CMC1: variants seen among roughly 807,000 people sequenced by gnomAD.
CMC1 encodes COX assembly mitochondrial protein homolog.
A neutral mutation model predicts 14.1 loss-of-function variants in CMC1; 14 were observed. That is an observed-to-expected ratio of 0.99 (90% CI 0.66 to 1.55). The LOEUF (loss-of-function observed/expected upper bound fraction) is 1.55, where lower values mean the gene tolerates loss of function less well. Among genes scored for constraint, CMC1 ranks in the 40% most tolerant of loss-of-function variants. The probability of loss-of-function intolerance (pLI) is 0.00; values close to 1 mark genes in which losing one functional copy is unlikely to be tolerated. For missense variants in CMC1, 127 were observed against 123.8 expected, an observed-to-expected ratio of 1.03 and a Z score of -0.12; for synonymous variants, 50 against 38.4, an observed-to-expected ratio of 1.30 and a Z score of -1.12.
chr3:28,313,359 T>A (rs991526177), intron 2 of CMC1, among the ~76,000 whole-genome samples: 1 of 152,196 alleles, frequency 6.6e-6, no homozygotes, highest in Non-Finnish European at 1.5e-5. Flanking sequence ...TTTTGTATTA[T>A]CTTAAGATAG....
At chr3:28,259,300 C>G (rs1699601787) in intron 1 of CMC1, among the ~76,000 whole-genome samples, 1 of 151,966 alleles carries the variant, frequency 6.6e-6, no homozygotes. Context: ...TAACAATTGA[C>G]ATTGGTGGAG....
intron 1 of CMC1, among the ~76,000 whole-genome samples, chr3:28,258,216 A>G: frequency 6.6e-6 from 1 of 151,226 alleles, no homozygotes. Context: ...TTATATATAT[A>G]TGAAATAAAT....
In CMC1 at chr3:28,323,950, C is replaced by G; in HGVS notation, c.*4321C>G. The G allele has an allele frequency of 7.0e-7, 1 of 1,422,822 alleles. No individual in the cohort carries two copies. Among genetic ancestry groups the G allele is most frequent in the Non-Finnish European group, 9.5e-7 (1 of 1,050,466 alleles). 88.1% of individuals were successfully genotyped at this position (1,422,822 alleles called of 1,614,324 possible). On this transcript the variant is annotated 3_prime_UTR_variant, in exon 4 of 4. Coordinates refer to ENST00000466830, the MANE Select transcript of CMC1 (RefSeq NM_182523.2). ...CTGAAGACCTCTGCAAAATTTTAAT[C>G]AAAATCTCCTTTCAGTTTGTTAAAT...
At chr3:28,300,652 C>CCTTTCCCTCA (rs1264021561) in intron 2 of CMC1, among the ~76,000 whole-genome samples, 1 of 71,038 alleles carries the variant, frequency 1.4e-5, no homozygotes, top group East Asian at 4.3e-4. Context: ...TCCCTCCATC[C>CCTTTCCCTCA]CTTTCCCTCC....
At chr3:28,296,252 C>A (rs1243486105) in intron 2 of CMC1, among the ~76,000 whole-genome samples, 3 of 151,906 alleles carry the variant, frequency 2.0e-5, no homozygotes, top group African/African-American at 7.3e-5. Context: ...ACCATTGTAA[C>A]CATGTAATAT....
chr3:28,269,354 A>G (rs889734956), intron 2 of CMC1, among the ~76,000 whole-genome samples: 4 of 152,252 alleles, frequency 2.6e-5, no homozygotes, highest in Non-Finnish European at 5.9e-5. Flanking sequence ...TTGCAATAAA[A>G]TTATATGTAG....
At chr3:28,282,311 G>C (rs928854842) in intron 2 of CMC1, among the ~76,000 whole-genome samples, 1 of 152,168 alleles carries the variant, frequency 6.6e-6, no homozygotes, top group African/African-American at 2.4e-5. Context: ...CCCTATCTCA[G>C]ATTGCTGTGG....
chr3:28,260,357 GTTGGT>G (rs1346196847), intron 1 of CMC1, among the ~76,000 whole-genome samples: 1 of 151,876 alleles, frequency 6.6e-6, no homozygotes, highest in African/African-American at 2.4e-5. Flanking sequence ...GTGAGCTTTG[GTTGGT>G]TTGTAGTTTT....
In CMC1 at chr3:28,323,215, TAC is replaced by T. The variant is rs878973996; in HGVS notation, c.*3592_*3593del. On this transcript the variant is annotated 3_prime_UTR_variant, in exon 4 of 4. Coordinates refer to ENST00000466830, the MANE Select transcript of CMC1 (RefSeq NM_182523.2). The stretch of plus-strand genomic sequence containing the variant: ...TTTGAAGAAAATGACTTTTTATCAT[TAC>T]ACACATTTATGTTTATATTATGGCC... 1.3e-5 allele frequency: 2 copies of T among 151,234 alleles called. No homozygotes were observed. Among genetic ancestry groups the T allele is most frequent in the South Asian group, 4.1e-4 (2 of 4,834 alleles). 9.4% of individuals were successfully genotyped at this position (151,234 alleles called of 1,614,324 possible). A position where few individuals can be genotyped will look rare whatever the true frequency, so the allele number is the denominator to read the frequency against.
At chr3:28,287,317 C>T (rs1037253222) in intron 2 of CMC1, among the ~76,000 whole-genome samples, 7 of 152,132 alleles carry the variant, frequency 4.6e-5, no homozygotes, top group African/African-American at 1.7e-4. Context: ...CAGTTTGAAA[C>T]AGAATGGCTA....
intron 2 of CMC1, among the ~76,000 whole-genome samples, chr3:28,297,981 A>G (rs1273101799): frequency 2.6e-5 from 4 of 152,006 alleles, no homozygotes; most frequent in African/African-American, 7.2e-5. Context: ...TGCTCCAGTC[A>G]TAAGAAAACC....
At chr3:28,253,889 C>A (rs2125438303) in intron 1 of CMC1, 2 of 402,050 alleles carry the variant, frequency 5.0e-6, no homozygotes, top group Non-Finnish European at 9.3e-6. Context: ...ACATTCTTTG[C>A]TATTAAAGAC....
intron 1 of CMC1, among the ~76,000 whole-genome samples, chr3:28,251,656 T>C (rs1429830264): frequency 6.6e-6 from 1 of 152,212 alleles, no homozygotes; most frequent in Non-Finnish European, 1.5e-5. Context: ...GAAAAACCCT[T>C]CAATATAAAA....
rs529077046 is a variant in CMC1 at position 28,321,214 on chromosome 3, A to C, written c.*1585A>C. 6 of 151,608 alleles carry C rather than the reference A, an allele frequency of 4.0e-5. No individual in the cohort carries two copies. Among genetic ancestry groups the C allele is most frequent in the African/African-American group, 1.2e-4 (5 of 41,486 alleles). 9.4% of individuals were successfully genotyped at this position (151,608 alleles called of 1,614,324 possible). A position where few individuals can be genotyped will look rare whatever the true frequency, so the allele number is the denominator to read the frequency against. On this transcript the variant is annotated 3_prime_UTR_variant, in exon 4 of 4. Transcript: ENST00000466830. ...ACACAGCATAGGGGCAAACATGCCC[A>C]TATTTCCACATTGACCTTTGGTATT...
rs1703139692 is a variant in CMC1 at position 28,320,130 on chromosome 3, A to AT, written c.*502dup. 6.5e-6 allele frequency: 1 copy of AT among 153,230 alleles called. No homozygotes were observed. The highest frequency in any genetic ancestry group is 2.4e-5 in the African/African-American group (1 of 41,382). 9.5% of individuals were successfully genotyped at this position (153,230 alleles called of 1,614,324 possible). ...TGTGAGGATGTACTGAGTATTGCAT[A>AT]TAGCAGGTACACGTACAGTGTATAA... On this transcript the variant is annotated 3_prime_UTR_variant, in exon 4 of 4. Transcript: ENST00000466830.
rs550932330 is a variant in CMC1, at chr3:28,263,277, C to CT, written c.20-4dup. On this transcript the variant is annotated splice_polypyrimidine_tract_variant and intron_variant, in intron 1 of 3. Transcript: ENST00000466830. Reference sequence around the variant, plus strand: ...GCTTGAGACTTTATTAAAGAAAGATCTTTTTTTTTTCAGACCAGCATCTCA... The same window carrying CT: ...GCTTGAGACTTTATTAAAGAAAGATCTTTTTTTTTTTCAGACCAGCATCTCA... 8,270 of 1,373,314 alleles carry CT rather than the reference C, an allele frequency of 6.0e-3. No individual in the cohort carries two copies. The highest frequency in any genetic ancestry group is 6.7e-3 in the Admixed American group (326 of 48,976). 85.1% of individuals were successfully genotyped at this position (1,373,314 alleles called of 1,614,324 possible). A position where few individuals can be genotyped will look rare whatever the true frequency, so the allele number is the denominator to read the frequency against.
At chr3:28,278,526 G>A (rs1039234058) in intron 2 of CMC1, among the ~76,000 whole-genome samples, 10 of 152,170 alleles carry the variant, frequency 6.6e-5, no homozygotes, top group African/African-American at 2.4e-4. Context: ...AACTTGGATA[G>A]TGATAGATTA....
At chr3:28,291,946 C>T (rs545919076) in intron 2 of CMC1, 1 of 152,044 alleles carries the variant, frequency 6.6e-6, no homozygotes, top group African/African-American at 2.4e-5. Flanking sequence ...CTGCTGAAAT[C>T]CTTTGAAGGT....
chr3:28,262,389 C>A (rs1025923738), intron 1 of CMC1, among the ~76,000 whole-genome samples: 1 of 151,990 alleles, frequency 6.6e-6, no homozygotes, highest in Non-Finnish European at 1.5e-5. Flanking sequence ...ACTTTCTGGT[C>A]TTTTGGGGAT....
Sources: allele counts gnomAD v4.1 joint callset (sites outside exome capture counted in the v4.1 genomes callset), GRCh38; gene constraint gnomAD v4.1.1; transcripts MANE v1.5; gene names NCBI Gene and HGNC (gene_info 2026-07-23, HGNC 2026-07-21).